Variants in WDR12 observed in about 807,000 individuals in gnomAD.
WDR12 encodes the protein WD repeat domain 12, also known as ribosome biogenesis protein WDR12.
WDR12 carries 42 observed loss-of-function variants against 64.3 expected under a neutral mutation model. The observed-to-expected ratio is 0.65, with a 90% CI of 0.51 to 0.84. The LOEUF (loss-of-function observed/expected upper bound fraction) is 0.84, where lower values mean the gene tolerates loss of function less well. Ranked by LOEUF, WDR12 falls within the 40% of genes least tolerant of loss-of-function variation. The pLI is 0.00. For synonymous variants in WDR12, 158 were observed against 173.3 expected (o/e 0.91, Z 0.70); for missense variants, 469 against 494.6 (o/e 0.95, Z 0.49).
At chr2:202,911,405 G>A in intron 1 of WDR12, 31 bp downstream of exon 1, 1 of 1,611,496 alleles carries the variant, frequency 6.2e-7, no homozygotes, top group Non-Finnish European at 8.5e-7. Flanking sequence ...GGAACCTGGG[G>A]AAGGGAGAGA....
intron 1 of WDR12, among the ~76,000 whole-genome samples, chr2:202,910,155 T>C (rs1490426425): frequency 2.0e-5 from 3 of 152,156 alleles, no homozygotes; most frequent in African/African-American, 7.2e-5. Context: ...CACACACACA[T>C]ATGACATGTA....
At chr2:202,905,824 T>A (rs777308148) in intron 2 of WDR12, among the ~76,000 whole-genome samples, 1 of 152,130 alleles carries the variant, frequency 6.6e-6, no homozygotes, top group Non-Finnish European at 1.5e-5. Context: ...AATTAAAACA[T>A]TGAACTCATG....
At chr2:202,910,885 A>T (rs574470744) in intron 1 of WDR12, among the ~76,000 whole-genome samples, 1 of 152,284 alleles carries the variant, frequency 6.6e-6, no homozygotes, top group Non-Finnish European at 1.5e-5. Context: ...AAAATTTGAC[A>T]TTTTTTGTTG....
intron 12 of WDR12, among the ~76,000 whole-genome samples, chr2:202,881,245 T>A (rs1687943735): frequency 6.6e-6 from 1 of 152,202 alleles, no homozygotes; most frequent in Admixed American, 6.5e-5. Context: ...TAAAGAAAAT[T>A]AAAAATTTTT....
Position 202,878,935 on chromosome 2 carries a change from G to C in WDR12, c.*1925C>G, listed in dbSNP as rs1002299742. On this transcript the variant is annotated 3_prime_UTR_variant, in exon 13 of 13. Coordinates refer to ENST00000261015, the MANE Select transcript of WDR12 (RefSeq NM_018256.4). ...TGCTAATGATATCATAAAATCTGTA[G>C]AATGTTTAATACTGATGAAAGGTTT... 1 of 152,178 alleles carries C rather than the reference G, an allele frequency of 6.6e-6. No homozygotes were observed. Among genetic ancestry groups the C allele is most frequent in the African/African-American group, 2.4e-5 (1 of 41,448 alleles). The allele number at this position is 152,178 out of a possible 1,614,324, so 9.4% of individuals were successfully genotyped here.
chr2:202,911,309 A>ATCT, intron 1 of WDR12, 127 bp downstream of exon 1: 1 of 888,942 alleles, frequency 1.1e-6, no homozygotes, highest in Non-Finnish European at 1.9e-6. Context: ...GCTGGTTAGA[A>ATCT]AGCAGGTAAT....
chr2:202,877,390 G>C lies in WDR12; in HGVS notation c.*3470C>G, dbSNP rs954812183. 1 of 152,134 alleles carries C rather than the reference G, an allele frequency of 6.6e-6. No individual in the cohort carries two copies. The highest frequency in any genetic ancestry group is 6.6e-5 in the Admixed American group (1 of 15,260). The allele number at this position is 152,134 out of a possible 1,614,324, so 9.4% of individuals were successfully genotyped here. On this transcript the variant is annotated 3_prime_UTR_variant, in exon 13 of 13. Coordinates refer to ENST00000261015, the MANE Select transcript of WDR12 (RefSeq NM_018256.4). ...GGGCTGGGTGCGGTGGCTCATGCCTGTAATCTCAGCACTTTGGGAGGTCCA... is the reference window on the plus strand; with the variant it reads ...GGGCTGGGTGCGGTGGCTCATGCCTCTAATCTCAGCACTTTGGGAGGTCCA...
intron 2 of WDR12, among the ~76,000 whole-genome samples, chr2:202,904,637 G>C (rs1447530415): frequency 2.0e-5 from 3 of 152,120 alleles, no homozygotes; most frequent in African/African-American, 7.2e-5. Context: ...AATGAAACTA[G>C]ACCCCTATCT....
intron 8 of WDR12, among the ~76,000 whole-genome samples, chr2:202,890,056 A>G (rs564117355): frequency 4.6e-5 from 7 of 151,824 alleles, no homozygotes; most frequent in African/African-American, 1.7e-4. Flanking sequence ...ACAAAACCCA[A>G]TATCTACAAA....
intron 8 of WDR12, 134 bp from the exon 9 acceptor site, chr2:202,884,669 C>CTTT (rs3050865): frequency 0.93 from 887,508 of 953,420 alleles, 414,758 homozygotes; most frequent in Middle Eastern, 0.95. Context: ...CTTATTTCTT[C>CTTT]CTTTACAATG....
At chr2:202,907,534 T>C (rs957338734) in intron 2 of WDR12, among the ~76,000 whole-genome samples, 2 of 152,226 alleles carry the variant, frequency 1.3e-5, no homozygotes, top group African/African-American at 2.4e-5. Flanking sequence ...ACGCTTGTTT[T>C]ATGCCTGCAT....
rs565766979 is a variant in WDR12, at chr2:202,876,120, T to A, written c.*4740A>T. On this transcript the variant is annotated 3_prime_UTR_variant, in exon 13 of 13. Coordinates refer to ENST00000261015, the MANE Select transcript of WDR12 (RefSeq NM_018256.4). ...TATATTTGGTTCAGGCTGGATGCAG[T>A]GGCTCATGCCTGTAATCTTAGCACT... 1 of 152,354 alleles carries A rather than the reference T, an allele frequency of 6.6e-6. No homozygotes were observed. Among genetic ancestry groups the A allele is most frequent in the Admixed American group, 6.5e-5 (1 of 15,298 alleles). The allele number at this position is 152,354 out of a possible 1,614,324, so 9.4% of individuals were successfully genotyped here. A position where few individuals can be genotyped will look rare whatever the true frequency, so the allele number is the denominator to read the frequency against.
In WDR12 at chr2:202,880,832, ATCTC is replaced by A; in HGVS notation, c.*24_*27del. On this transcript the variant is annotated 3_prime_UTR_variant, in exon 13 of 13. Transcript: ENST00000261015. ...TCTACCAATTTCATTTACAGAAATA[ATCTC>A]TATAGTCAAATTATTGTTCACTTTC... 1 of 1,588,214 alleles carries A rather than the reference ATCTC, an allele frequency of 6.3e-7. No individual in the cohort carries two copies. The highest frequency in any genetic ancestry group is 8.6e-7 in the Non-Finnish European group (1 of 1,165,446).
At chr2:202,884,998 G>T (rs1688021870) in intron 8 of WDR12, among the ~76,000 whole-genome samples, 1 of 152,120 alleles carries the variant, frequency 6.6e-6, no homozygotes, top group Non-Finnish European at 1.5e-5. Flanking sequence ...AATAACTATA[G>T]AATATTCTGG....
intron 2 of WDR12, among the ~76,000 whole-genome samples, chr2:202,903,321 G>A (rs536397964): frequency 1.8e-4 from 28 of 152,102 alleles, no homozygotes; most frequent in Middle Eastern, 3.4e-3. Flanking sequence ...ATATATAATA[G>A]ACCCCCATAC....
chr2:202,904,138 CAAAAAAAAAAAAAAAAAA>C (rs34378996), intron 2 of WDR12, among the ~76,000 whole-genome samples: 1 of 38,534 alleles, frequency 2.6e-5, no homozygotes, highest in Non-Finnish European at 4.1e-5. Flanking sequence ...AACTCTGTCT[CAAAAAAAAAAAAAAAAAA>C]AAAAAAAAGA....
chr2:202,887,909 A>G (rs944180068), intron 8 of WDR12, among the ~76,000 whole-genome samples: 9 of 151,580 alleles, frequency 5.9e-5, no homozygotes, highest in Non-Finnish European at 1.3e-4. Context: ...AAAAAAAAAA[A>G]AAAAGAAAAT....
rs79539678 is a variant in WDR12, at chr2:202,876,215, G to C, written c.*4645C>G. 0.089 allele frequency: 13,520 copies of C among 151,450 alleles called. 737 individuals are homozygous for C. Among genetic ancestry groups the C allele is most frequent in the Non-Finnish European group, 0.12 (8,473 of 67,848 alleles). The allele number at this position is 151,450 out of a possible 1,614,324, so 9.4% of individuals were successfully genotyped here. On this transcript the variant is annotated 3_prime_UTR_variant, in exon 13 of 13. Coordinates refer to ENST00000261015, the MANE Select transcript of WDR12 (RefSeq NM_018256.4). The stretch of plus-strand genomic sequence containing the variant: ...TCCAGCCTGGGCAACATAGCAAGAC[G>C]CCATCTCCACAAAAATAAAAAAAAT...
intron 11 of WDR12, among the ~76,000 whole-genome samples, chr2:202,883,158 T>C (rs1291093024): frequency 1.3e-5 from 2 of 152,152 alleles, no homozygotes; most frequent in African/African-American, 4.8e-5. Context: ...CTTTTTGAGA[T>C]GGAGTCTTGG....
Sources: gnomAD v4.1 joint callset for allele counts (sites outside exome capture counted in the v4.1 genomes callset) on GRCh38, gnomAD v4.1.1 for gene constraint, MANE v1.5 for transcripts, NCBI Gene and HGNC (gene_info 2026-07-23, HGNC 2026-07-21) for gene names.